Variants in H2AZ2 observed in about 807,000 individuals in gnomAD.
H2AZ2 encodes histone H2A.V.
In H2AZ2, 5 loss-of-function variants were observed where a neutral mutation model predicts 15.5. The observed-to-expected ratio is 0.32, with a 90% CI of 0.17 to 0.68. The LOEUF (loss-of-function observed/expected upper bound fraction) is 0.68. Ranked by LOEUF, H2AZ2 falls within the 30% of genes least tolerant of loss-of-function variation. The probability of loss-of-function intolerance (pLI) is 0.72; values close to 1 mark genes in which losing one functional copy is unlikely to be tolerated. For missense variants in H2AZ2, 42 were observed against 162.5 expected, an observed-to-expected ratio of 0.26 and a Z score of 4.03; for synonymous variants, 44 against 57.4, an observed-to-expected ratio of 0.77 and a Z score of 1.05.
chr7:44,839,988 C>A (rs1490507647), intron 3 of H2AZ2, among the ~76,000 whole-genome samples: 2 of 148,588 alleles, frequency 1.3e-5, no homozygotes, highest in Non-Finnish European at 3.0e-5. Flanking sequence ...GGATACAGAG[C>A]AAGACCCTGT....
At chr7:44,843,135 C>CT (rs1455449146) in intron 2 of H2AZ2, 142 bp downstream of exon 2, 1 of 233,936 alleles carries the variant, frequency 4.3e-6, no homozygotes, top group African/African-American at 1.2e-4. Flanking sequence ...GAGACTCTGT[C>CT]TCAAAAAAAA....
chr7:44,838,034 G>C (rs984031517), intron 3 of H2AZ2, among the ~76,000 whole-genome samples: 13 of 151,722 alleles, frequency 8.6e-5, no homozygotes, highest in African/African-American at 3.1e-4. Flanking sequence ...GCAGTGGCGC[G>C]ATCTCGGCTC....
chr7:44,837,441 A>G (rs1793154831), intron 3 of H2AZ2, among the ~76,000 whole-genome samples: 1 of 150,372 alleles, frequency 6.7e-6, no homozygotes, highest in African/African-American at 2.4e-5. Context: ...AAGAAAAAAA[A>G]AAAAAAAAAA....
At chr7:44,841,042 C>T in intron 2 of H2AZ2, 30 bp from the exon 3 acceptor site, 3 of 1,494,834 alleles carry the variant, frequency 2.0e-6, no homozygotes, top group Non-Finnish European at 2.8e-6. Context: ...GTGGGAAGCA[C>T]TGCAGAGTCT....
chr7:44,840,045 T>TAAA (rs1562787623), intron 3 of H2AZ2, among the ~76,000 whole-genome samples: 3 of 132,734 alleles, frequency 2.3e-5, no homozygotes, highest in Admixed American at 7.1e-5. Flanking sequence ...AAATAAATAA[T>TAAA]TAGCCAGGTG....
At chr7:44,845,287 G>A (rs1793369463) in intron 1 of H2AZ2, among the ~76,000 whole-genome samples, 1 of 152,090 alleles carries the variant, frequency 6.6e-6, no homozygotes, top group Non-Finnish European at 1.5e-5. Context: ...TCTTATATTA[G>A]GTAATTCAAC....
intron 1 of H2AZ2, among the ~76,000 whole-genome samples, chr7:44,844,495 A>T (rs994669856): frequency 6.6e-6 from 1 of 152,172 alleles, no homozygotes; most frequent in East Asian, 1.9e-4. Flanking sequence ...CTGGTAGTAT[A>T]GGTGCGCGCC....
At chr7:44,838,778 G>A (rs1374815421) in intron 3 of H2AZ2, among the ~76,000 whole-genome samples, 1 of 152,198 alleles carries the variant, frequency 6.6e-6, no homozygotes, top group Admixed American at 6.6e-5. Context: ...ATGACTTGGT[G>A]AGACTAATGA....
Position 44,847,420 on chromosome 7 carries a change from C to A in H2AZ2, c.3+549G>T, listed in dbSNP as rs147296301. ...AGGGGCTCAGAAGATAACGGGCGTT[C>A]ATTTCTAACCTGTGCAATCACCTAG... On this transcript the variant is annotated intron_variant, in intron 1 of 4. Transcript: ENST00000308153. Among the ~76,000 whole-genome samples the A allele has an allele frequency of 6.6e-5, 10 of 152,290 alleles. No individual in the cohort carries two copies. The East Asian group carries it at 9.6e-4, about 15-fold the overall frequency.
chr7:44,836,630 G>A (rs1056959494), intron 3 of H2AZ2, among the ~76,000 whole-genome samples: 9 of 151,956 alleles, frequency 5.9e-5, no homozygotes, highest in African/African-American at 1.9e-4. Flanking sequence ...CTATTCTCCT[G>A]CCTCAGCCTC....
At chr7:44,840,440 G>T (rs909337761) in intron 3 of H2AZ2, among the ~76,000 whole-genome samples, 2 of 152,094 alleles carry the variant, frequency 1.3e-5, no homozygotes, top group Admixed American at 1.3e-4. Context: ...TTGGCATTGG[G>T]TAATAGCTGA....
chr7:44,847,991 C>T lies in H2AZ2; in HGVS notation c.-20G>A. The T allele has an allele frequency of 7.1e-7, 1 of 1,414,336 alleles. No individual in the cohort carries two copies. Among genetic ancestry groups the T allele is most frequent in the Non-Finnish European group, 9.2e-7 (1 of 1,084,906 alleles). 87.6% of individuals were successfully genotyped at this position (1,414,336 alleles called of 1,614,324 possible). ...TACCATGTTCTCGGCGCCGACTCCG[C>T]CTCCGCTCGGCCGCGCGCCCTCCCG... On this transcript the variant is annotated 5_prime_UTR_variant, in exon 1 of 5. Transcript: ENST00000308153.
At chr7:44,841,469 T>C (rs1793274144) in intron 2 of H2AZ2, among the ~76,000 whole-genome samples, 1 of 152,148 alleles carries the variant, frequency 6.6e-6, no homozygotes, top group Non-Finnish European at 1.5e-5. Context: ...AGAGGGTATT[T>C]TTCTCATTTC....
chr7:44,830,325 T>C (rs1052115333), downstream of H2AZ2, among the ~76,000 whole-genome samples: 2 of 152,238 alleles, frequency 1.3e-5, no homozygotes, highest in African/African-American at 4.8e-5. Flanking sequence ...TGGAACTTTT[T>C]TGCATGTTTG....
At chr7:44,827,995 C>G (rs1448199887), downstream of H2AZ2, 7 of 152,096 alleles carry the variant, frequency 4.6e-5, no homozygotes, top group Admixed American at 2.6e-4. Flanking sequence ...AGCTAGGAGA[C>G]AAGATGAATA....
intron 1 of H2AZ2, among the ~76,000 whole-genome samples, chr7:44,844,559 G>A (rs1338433233): frequency 6.6e-6 from 1 of 152,072 alleles, no homozygotes; most frequent in East Asian, 1.9e-4. Flanking sequence ...TCTGCATGTT[G>A]GCCAGGCTGG....
At chr7:44,837,418 CAA>C (rs1365895034) in intron 3 of H2AZ2, among the ~76,000 whole-genome samples, 1 of 38,538 alleles carries the variant, frequency 2.6e-5, no homozygotes, top group Non-Finnish European at 4.4e-5. Context: ...GCAAGACTCT[CAA>C]AAAAAAAAAA....
intron 3 of H2AZ2, 92 bp from the exon 4 acceptor site, chr7:44,835,750 C>T (rs920305809): frequency 4.5e-6 from 5 of 1,113,810 alleles, no homozygotes; most frequent in Non-Finnish European, 5.0e-6. Context: ...AATGCACACA[C>T]AATACATAAA....
At chr7:44,838,368 T>C (rs1455316329) in intron 3 of H2AZ2, among the ~76,000 whole-genome samples, 5 of 152,054 alleles carry the variant, frequency 3.3e-5, no homozygotes, top group African/African-American at 1.2e-4. Flanking sequence ...AGGTGGCCTC[T>C]TTTAATAAAA....
Sources: allele counts gnomAD v4.1 joint callset (sites outside exome capture counted in the v4.1 genomes callset), GRCh38; gene constraint gnomAD v4.1.1; transcripts MANE v1.5; gene names NCBI Gene and HGNC (gene_info 2026-07-23, HGNC 2026-07-21).